Variants in PID1 observed in about 807,000 individuals in gnomAD.
PID1 encodes phosphotyrosine interaction domain containing 1.
PID1 carries 10 observed loss-of-function variants against 19.1 expected under a neutral mutation model. The ratio of observed to expected loss-of-function variants is 0.52; its 90% CI spans 0.32 to 0.89. PID1 has a LOEUF of 0.89. PID1 is among the 40% of genes least tolerant of loss of function. PID1 has a pLI of 0.03. For synonymous variants in PID1, 130 were observed against 116.0 expected (o/e 1.12, Z -0.78); for missense variants, 248 against 285.3 (o/e 0.87, Z 0.94).
intron 2 of PID1, among the ~76,000 whole-genome samples, chr2:229,079,730 C>T (rs760368995): frequency 1.2e-4 from 19 of 152,184 alleles, no homozygotes; most frequent in Non-Finnish European, 2.5e-4. Flanking sequence ...ACCAATCTTT[C>T]TCTGTATTCT....
At chr2:229,151,860 G>A (rs1275003417) in intron 2 of PID1, among the ~76,000 whole-genome samples, 11 of 152,074 alleles carry the variant, frequency 7.2e-5, no homozygotes, top group Admixed American at 4.6e-4. Flanking sequence ...GTGAGCCACC[G>A]CGCCCAGCTA....
At chr2:229,250,769 T>C (rs1171346510) in intron 1 of PID1, among the ~76,000 whole-genome samples, 3 of 152,214 alleles carry the variant, frequency 2.0e-5, no homozygotes, top group African/African-American at 7.2e-5. Flanking sequence ...GTTTACCTAA[T>C]AAAAACCCAA....
chr2:229,092,743 G>T (rs564741793), intron 2 of PID1, among the ~76,000 whole-genome samples: 1 of 152,252 alleles, frequency 6.6e-6, no homozygotes, highest in South Asian at 2.1e-4. Context: ...AAAGAACTTA[G>T]ACTCATGCTT....
chr2:229,030,257 G>T (rs1408342002), intron 2 of PID1, among the ~76,000 whole-genome samples: 1 of 152,176 alleles, frequency 6.6e-6, no homozygotes, highest in Non-Finnish European at 1.5e-5. Context: ...GGGGATTGGG[G>T]GAGGGACGAA....
Position 229,068,765 on chromosome 2 carries a change from T to C in PID1, c.178-42657A>G, listed in dbSNP as rs184174331. 3.9e-3 allele frequency among the ~76,000 whole-genome samples: 597 copies of C among 152,214 alleles called. 8 individuals are homozygous for C. Among genetic ancestry groups the C allele is most frequent in the African/African-American group, 0.014 (571 of 41,544 alleles). On this transcript the variant is annotated intron_variant, in intron 2 of 2. Transcript: ENST00000392055. Reference sequence around the variant, plus strand: ...GTATCCAATTTTCTCCTCACAACTGTGTATGTAAGAATTGGTGTCTGTTTT... The same window carrying C: ...GTATCCAATTTTCTCCTCACAACTGCGTATGTAAGAATTGGTGTCTGTTTT...
chr2:229,128,868 C>T (rs1036728397), intron 2 of PID1, among the ~76,000 whole-genome samples: 17 of 152,080 alleles, frequency 1.1e-4, no homozygotes, highest in African/African-American at 3.6e-4. Flanking sequence ...CTAACTGAAT[C>T]GTACATTTTA....
At chr2:229,192,450 G>C (rs1193397787) in intron 1 of PID1, among the ~76,000 whole-genome samples, 2 of 152,032 alleles carry the variant, frequency 1.3e-5, no homozygotes, top group Non-Finnish European at 2.9e-5. Flanking sequence ...TTATGTAACT[G>C]ACTTTGTCCT....
At chr2:229,094,276 A>G (rs1694931750) in intron 2 of PID1, among the ~76,000 whole-genome samples, 1 of 152,170 alleles carries the variant, frequency 6.6e-6, no homozygotes, top group Non-Finnish European at 1.5e-5. Context: ...AACACTATTG[A>G]AAGAAATCAG....
intron 2 of PID1, among the ~76,000 whole-genome samples, chr2:229,044,397 C>T (rs1693833414): frequency 6.6e-6 from 1 of 152,092 alleles, no homozygotes; most frequent in Non-Finnish European, 1.5e-5. Flanking sequence ...AGGACCTGCA[C>T]TCCACCACCA....
chr2:229,081,176 T>A (rs12997335), intron 2 of PID1, among the ~76,000 whole-genome samples: 30,415 of 152,128 alleles, frequency 0.2, 3,947 homozygotes, highest in East Asian at 0.55. Flanking sequence ...TCCCTGTTTA[T>A]TATTTAGGTT....
At position 229,119,254 on chromosome 2, in the gene PID1, C is replaced by T. The variant is rs1695469666; in HGVS notation, c.177+36564G>A. Among the ~76,000 whole-genome samples, 3 of 152,172 alleles carry T rather than the reference C, an allele frequency of 2.0e-5. No homozygotes were observed. The South Asian group carries it at 6.2e-4, about 31-fold the overall frequency. On this transcript the variant is annotated intron_variant, in intron 2 of 2. Coordinates refer to ENST00000392055, the MANE Select transcript of PID1 (RefSeq NM_001100818.2). ...ATCTCATTTATTAATACCCTGTATT[C>T]TTTTCTGTTTTACAATCAGGAAACT... is the stretch of plus-strand genomic sequence containing the variant.
intron 2 of PID1, among the ~76,000 whole-genome samples, chr2:229,061,977 AAC>A (rs1474059439): frequency 6.6e-6 from 1 of 151,934 alleles, no homozygotes; most frequent in Non-Finnish European, 1.5e-5. Flanking sequence ...TATCAGTTGT[AAC>A]AGTTTTTTTT....
intron 2 of PID1, among the ~76,000 whole-genome samples, chr2:229,069,648 C>G (rs944477029): frequency 1.3e-5 from 2 of 152,028 alleles, no homozygotes; most frequent in Non-Finnish European, 2.9e-5. Context: ...GTTAGAGCAG[C>G]GGGGGAGAGG....
At chr2:229,228,141 T>C in intron 1 of PID1, 1 of 442,006 alleles carries the variant, frequency 2.3e-6, no homozygotes, top group Non-Finnish European at 4.6e-6. Flanking sequence ...GAACCTGCAA[T>C]TTTGATGGGA....
chr2:229,128,599 A>C (rs1689637606), intron 2 of PID1, among the ~76,000 whole-genome samples: 1 of 152,256 alleles, frequency 6.6e-6, no homozygotes. Flanking sequence ...GACAAACGCT[A>C]TACAAAGAAC....
chr2:229,155,389 A>G (rs895658406), intron 2 of PID1, among the ~76,000 whole-genome samples: 12 of 151,946 alleles, frequency 7.9e-5, no homozygotes, highest in African/African-American at 2.4e-4. Flanking sequence ...ACATGGTGAA[A>G]CCCCGTCTCT....
chr2:229,142,865 T>G (rs916608575), intron 2 of PID1, among the ~76,000 whole-genome samples: 1 of 151,780 alleles, frequency 6.6e-6, no homozygotes, highest in Non-Finnish European at 1.5e-5. Flanking sequence ...CAAAGGACTA[T>G]AAATCATGCT....
chr2:229,041,573 G>T (rs1693771393), intron 2 of PID1, among the ~76,000 whole-genome samples: 1 of 152,158 alleles, frequency 6.6e-6, no homozygotes, highest in South Asian at 2.1e-4. Flanking sequence ...AGTATCAGTG[G>T]ATGCTAAAAT....
intron 2 of PID1, among the ~76,000 whole-genome samples, chr2:229,074,833 A>G (rs1353032161): frequency 6.6e-6 from 1 of 152,202 alleles, no homozygotes; most frequent in Non-Finnish European, 1.5e-5. Flanking sequence ...TCAGATTTCA[A>G]GGTGATTTGA....
Sources: allele counts gnomAD v4.1 joint callset (sites outside exome capture counted in the v4.1 genomes callset), GRCh38; gene constraint gnomAD v4.1.1; transcripts MANE v1.5; gene names NCBI Gene and HGNC (gene_info 2026-07-23, HGNC 2026-07-21).